RARB: variants seen among roughly 807,000 people sequenced by gnomAD.
RARB encodes HBV-activated protein.
A neutral mutation model predicts 51.9 loss-of-function variants in RARB; 17 were observed. The observed-to-expected ratio is 0.33, with a 90% CI of 0.22 to 0.49. The LOEUF is 0.49. RARB is among the 20% of genes least tolerant of loss of function. RARB has a pLI of 0.99. For missense variants in RARB, 369 were observed against 550.8 expected, an observed-to-expected ratio of 0.67 and a Z score of 3.30; for synonymous variants, 215 against 195.4, an observed-to-expected ratio of 1.10 and a Z score of -0.84.
chr3:24,866,248 TC>T (rs1702845759), intron 2 of RARB, among the ~76,000 whole-genome samples: 1 of 152,076 alleles, frequency 6.6e-6, no homozygotes, highest in African/African-American at 2.4e-5. Context: ...AGGAACTGTC[TC>T]ATCCCCCCAC....
At position 25,446,068 on chromosome 3, in the gene RARB, T is replaced by A. The variant is rs544582346; in HGVS notation, c.158-15125T>A. 1.1e-3 allele frequency among the ~76,000 whole-genome samples: 169 copies of A among 152,342 alleles called. 1 individual carries two copies. The highest frequency in any genetic ancestry group is 3.4e-3 in the Middle Eastern group (1 of 294). ...TGTGGGAAGGAATTTTAAAATGTAT[T>A]TATGGCGGACATATTGACCTCCCTA... On this transcript the variant is annotated intron_variant, in intron 1 of 7. Coordinates refer to ENST00000330688, the MANE Select transcript of RARB (RefSeq NM_000965.5).
intron 3 of RARB, among the ~76,000 whole-genome samples, chr3:25,103,285 A>C (rs1374031871): frequency 6.6e-6 from 1 of 152,192 alleles, no homozygotes; most frequent in Non-Finnish European, 1.5e-5. Flanking sequence ...GTAAATGAGT[A>C]CTTCTTAAAA....
intron 5 of RARB, among the ~76,000 whole-genome samples, chr3:25,367,831 A>AAC (rs1553608163): frequency 2.6e-4 from 40 of 151,136 alleles, no homozygotes; most frequent in African/African-American, 9.3e-4. Flanking sequence ...AAAAAAACAA[A>AAC]AACAAAACAA....
rs147662338 is a variant in RARB, at chr3:25,430,953, ATT to A, written c.157+2079_157+2080del. Among the ~76,000 whole-genome samples, 211 of 110,052 alleles carry A rather than the reference ATT, an allele frequency of 1.9e-3. 1 individual carries two copies. The highest frequency in any genetic ancestry group is 6.7e-3 in the African/African-American group (197 of 29,350). The allele number at this position is 110,052 out of a possible 152,430, so 72.2% of individuals were successfully genotyped here. A position where few individuals can be genotyped will look rare whatever the true frequency, so the allele number is the denominator to read the frequency against. On this transcript the variant is annotated intron_variant, in intron 1 of 7. Coordinates refer to ENST00000330688, the MANE Select transcript of RARB (RefSeq NM_000965.5). ...TTTATGATGGTCAGTTGTTCCAACG[ATT>A]TTTTTTTTTTTTTAGCATAAATAAA...
intron 2 of RARB, among the ~76,000 whole-genome samples, chr3:24,970,598 CACACACAA>C (rs1575097750): frequency 6.6e-6 from 1 of 151,046 alleles, no homozygotes; most frequent in Non-Finnish European, 1.5e-5. Flanking sequence ...CACACACACA[CACACACAA>C]ACACACCCCC....
At chr3:25,376,038 A>G (rs146122028) in intron 5 of RARB, among the ~76,000 whole-genome samples, 258 of 152,306 alleles carry the variant, frequency 1.7e-3, no homozygotes, top group African/African-American at 5.9e-3. Context: ...AGCTCTTAAA[A>G]CCATGCCTGG....
intron 5 of RARB, among the ~76,000 whole-genome samples, chr3:25,374,224 A>G (rs1326086047): frequency 6.6e-6 from 1 of 152,108 alleles, no homozygotes; most frequent in African/African-American, 2.4e-5. Context: ...TTCACACACT[A>G]TGCTCAAACC....
At chr3:24,901,517 A>T (rs73047676) in intron 2 of RARB, among the ~76,000 whole-genome samples, 9 of 152,366 alleles carry the variant, frequency 5.9e-5, no homozygotes, top group Middle Eastern at 3.4e-3. Flanking sequence ...CTGGGACTAC[A>T]GACAAGTGCC....
chr3:25,405,687 A>G (rs956916883), intron 5 of RARB, among the ~76,000 whole-genome samples: 2 of 152,266 alleles, frequency 1.3e-5, no homozygotes, highest in Non-Finnish European at 2.9e-5. Flanking sequence ...TTGTTCAGTC[A>G]TAGTATCTTC....
At chr3:25,533,404 T>G (rs1699007371) in intron 3 of RARB, among the ~76,000 whole-genome samples, 2 of 152,236 alleles carry the variant, frequency 1.3e-5, no homozygotes, top group African/African-American at 2.4e-5. Context: ...GAGCCAAACT[T>G]AATGTGTCAT....
chr3:25,245,737 T>C (rs562337442), intron 5 of RARB, among the ~76,000 whole-genome samples: 1 of 152,244 alleles, frequency 6.6e-6, no homozygotes, highest in African/African-American at 2.4e-5. Context: ...CCCTTAACAT[T>C]TTTTTCCTTC....
intron 5 of RARB, among the ~76,000 whole-genome samples, chr3:25,401,134 T>C (rs919340168): frequency 2.0e-5 from 3 of 152,042 alleles, no homozygotes; most frequent in Admixed American, 2.0e-4. Flanking sequence ...AAACTTGAAA[T>C]TTAGGAGGAG....
rs375687313 is a variant in RARB, at chr3:25,569,925, G to A, written c.609+7G>A. 6 of 1,612,924 alleles carry A rather than the reference G, an allele frequency of 3.7e-6. No individual in the cohort carries two copies. The African/African-American group carries it at 8.0e-5, about 22-fold the overall frequency. On this transcript the variant is annotated splice_region_variant and intron_variant, in intron 4 of 7. Coordinates refer to ENST00000330688, the MANE Select transcript of RARB (RefSeq NM_000965.5). ...GCTGGGTAAATACACCACGGTAAGA[G>A]ATACTCCTGCCCCAGGCTGCTGGGA...
chr3:25,105,438 A>AG (rs997203888), intron 3 of RARB, among the ~76,000 whole-genome samples: 1 of 137,212 alleles, frequency 7.3e-6, no homozygotes, highest in African/African-American at 3.2e-5. Flanking sequence ...AAAAAAAAAA[A>AG]AAGAAGATTT....
At chr3:24,883,201 A>G (rs1575052570) in intron 2 of RARB, among the ~76,000 whole-genome samples, 1 of 152,232 alleles carries the variant, frequency 6.6e-6, no homozygotes, top group Admixed American at 6.5e-5. Flanking sequence ...TTAAAGTTCC[A>G]ACTGAAGTCA....
chr3:25,514,365 A>G (rs1434246941), intron 3 of RARB, among the ~76,000 whole-genome samples: 2 of 152,240 alleles, frequency 1.3e-5, no homozygotes, highest in Non-Finnish European at 2.9e-5. Context: ...GATGAATTAG[A>G]TTAATGAAGA....
At chr3:25,094,471 C>A (rs770188855) in intron 3 of RARB, among the ~76,000 whole-genome samples, 4 of 152,086 alleles carry the variant, frequency 2.6e-5, no homozygotes, top group Non-Finnish European at 4.4e-5. Flanking sequence ...AATCTCAGCA[C>A]TTTGGGAGGC....
chr3:25,328,385 T>C (rs1704787124), intron 5 of RARB, among the ~76,000 whole-genome samples: 1 of 152,194 alleles, frequency 6.6e-6, no homozygotes, highest in African/African-American at 2.4e-5. Flanking sequence ...CTGAGCATGG[T>C]GGTGCACACC....
intron 4 of RARB, among the ~76,000 whole-genome samples, chr3:25,171,243 G>A (rs2125351525): frequency 6.6e-6 from 1 of 151,916 alleles, no homozygotes; most frequent in African/African-American, 2.4e-5. Flanking sequence ...GTGAAGGAAA[G>A]AACCCCAGAT....
Sources: gnomAD v4.1 joint callset for allele counts (sites outside exome capture counted in the v4.1 genomes callset) on GRCh38, gnomAD v4.1.1 for gene constraint, MANE v1.5 for transcripts, NCBI Gene and HGNC (gene_info 2026-07-23, HGNC 2026-07-21) for gene names.